Variants in KIF26B observed in about 807,000 individuals in gnomAD.
The protein encoded by KIF26B is kinesin-like protein KIF26B.
KIF26B carries 63 observed loss-of-function variants against 151.2 expected under a neutral mutation model. The ratio of observed to expected loss-of-function variants is 0.42; its 90% CI spans 0.34 to 0.51. KIF26B has a LOEUF of 0.51. Among genes scored for constraint, KIF26B ranks in the 20% least tolerant of loss-of-function variants. KIF26B has a pLI of 0.07. For missense variants in KIF26B, 2,813 were observed against 2,913.6 expected (o/e 0.97, Z 0.79); for synonymous variants, 1,357 against 1,262.1 (o/e 1.08, Z -1.59).
At chr1:245,683,602 G>A (rs1267974922) in intron 10 of KIF26B, among the ~76,000 whole-genome samples, 1 of 152,200 alleles carries the variant, frequency 6.6e-6, no homozygotes, top group Non-Finnish European at 1.5e-5. Context: ...GCTGCTTTCT[G>A]TTGTGGATAG....
intron 4 of KIF26B, among the ~76,000 whole-genome samples, chr1:245,439,901 C>G (rs1198665530): frequency 6.6e-6 from 1 of 152,172 alleles, no homozygotes; most frequent in African/African-American, 2.4e-5. Context: ...GCAAAGTGAA[C>G]ACTTCTTTCA....
intron 3 of KIF26B, among the ~76,000 whole-genome samples, chr1:245,419,089 C>G (rs974664611): frequency 1.3e-5 from 2 of 152,174 alleles, no homozygotes; most frequent in African/African-American, 2.4e-5. Context: ...CCACAGCAAA[C>G]CACCACCCCC....
intron 5 of KIF26B, among the ~76,000 whole-genome samples, chr1:245,580,427 A>C (rs559354134): frequency 6.6e-6 from 1 of 152,276 alleles, no homozygotes; most frequent in Non-Finnish European, 1.5e-5. Flanking sequence ...TTAGAAAAGT[A>C]TGGATGGAGT....
intron 2 of KIF26B, among the ~76,000 whole-genome samples, chr1:245,168,609 G>C (rs1668653728): frequency 6.6e-6 from 1 of 152,174 alleles, no homozygotes; most frequent in African/African-American, 2.4e-5. Flanking sequence ...AGTTCTTCCT[G>C]AGTAGCAGTA....
intron 3 of KIF26B, 70 bp from the exon 4 acceptor site, chr1:245,419,509 A>G (rs548433905): frequency 6.9e-7 from 1 of 1,438,956 alleles, no homozygotes; most frequent in South Asian, 1.3e-5. Context: ...CCAAATAGAG[A>G]GATGCTGTCA....
intron 4 of KIF26B, among the ~76,000 whole-genome samples, chr1:245,539,836 A>C (rs543267565): frequency 6.6e-6 from 1 of 152,198 alleles, no homozygotes; most frequent in South Asian, 2.1e-4. Context: ...TATTTTTAGT[A>C]GAGATGGGGT....
chr1:245,199,957 G>A (rs149165606), intron 2 of KIF26B, among the ~76,000 whole-genome samples: 162 of 152,288 alleles, frequency 1.1e-3, no homozygotes, highest in African/African-American at 3.8e-3. Context: ...AAACAAACCC[G>A]GCCTCTGCCC....
chr1:245,484,778 A>ATTG (rs1183459258), intron 4 of KIF26B, among the ~76,000 whole-genome samples: 35 of 148,224 alleles, frequency 2.4e-4, no homozygotes, highest in African/African-American at 8.8e-4. Context: ...TATTATTATT[A>ATTG]TTATTATTAT....
intron 2 of KIF26B, among the ~76,000 whole-genome samples, chr1:245,345,565 C>T (rs925936322): frequency 6.0e-5 from 9 of 151,154 alleles, no homozygotes; most frequent in Non-Finnish European, 7.4e-5. Context: ...GCCCACATCT[C>T]ATGTTCAGTT....
At chr1:245,509,515 G>A (rs536917858) in intron 4 of KIF26B, among the ~76,000 whole-genome samples, 5 of 152,106 alleles carry the variant, frequency 3.3e-5, no homozygotes, top group African/African-American at 7.2e-5. Context: ...ATAAATGTTG[G>A]TGTTCCCATA....
At chr1:245,681,509 G>A (rs911080011) in intron 10 of KIF26B, among the ~76,000 whole-genome samples, 14 of 152,006 alleles carry the variant, frequency 9.2e-5, no homozygotes, top group African/African-American at 7.2e-5. Flanking sequence ...GCGCCCGGCC[G>A]GTCTTTGGTA....
intron 2 of KIF26B, among the ~76,000 whole-genome samples, chr1:245,272,288 C>T (rs1400262105): frequency 6.6e-6 from 1 of 151,888 alleles, no homozygotes; most frequent in Non-Finnish European, 1.5e-5. Flanking sequence ...TTGCCAGGTA[C>T]AGTGGTGTGT....
At position 245,686,207 on chromosome 1, in the gene KIF26B, A is replaced by G. The variant is rs1463189126; in HGVS notation, c.3224A>G (p.Lys1075Arg). 1 of 1,612,648 alleles carries G rather than the reference A, an allele frequency of 6.2e-7. No homozygotes were observed. The highest frequency in any genetic ancestry group is 1.1e-5 in the South Asian group (1 of 91,072). ...CGGCTGGGCATCGCCAGCCTGTCCA[A>G]GACCTCGGAGTACAAGCCACCCAGC... ...SPRLGIASLS[K>R]TSEYKPPSSP... Residue 1075 changes from lysine to arginine, a missense_variant, in exon 12 of 15, where the codon AAG becomes AGG. Transcript: ENST00000407071. The surrounding 1 kb of genome is among the most constrained non-coding windows in gnomAD (Gnocchi z 5.6).
chr1:245,410,706 C>A (rs1003530725), intron 3 of KIF26B, among the ~76,000 whole-genome samples: 2 of 152,108 alleles, frequency 1.3e-5, no homozygotes, highest in Admixed American at 1.3e-4. Flanking sequence ...TGCCTCGGCC[C>A]CCCAAAGGCT....
intron 2 of KIF26B, among the ~76,000 whole-genome samples, chr1:245,362,224 C>T (rs573198424): frequency 3.3e-5 from 5 of 151,312 alleles, no homozygotes; most frequent in Non-Finnish European, 5.9e-5. Flanking sequence ...TAAGCATCGA[C>T]GAACAAAATC....
chr1:245,212,241 T>C (rs1669552187), intron 2 of KIF26B, among the ~76,000 whole-genome samples: 1 of 152,158 alleles, frequency 6.6e-6, no homozygotes, highest in African/African-American at 2.4e-5. Context: ...TCTTTATTGC[T>C]CATCCCCATT....
At chr1:245,689,448 AACATATTTGTGG>A (rs1265335417) in intron 12 of KIF26B, among the ~76,000 whole-genome samples, 1 of 152,176 alleles carries the variant, frequency 6.6e-6, no homozygotes, top group Non-Finnish European at 1.5e-5. Context: ...CTCCACCCCA[AACATATTTGTGG>A]ACAGTCATGT....
intron 2 of KIF26B, among the ~76,000 whole-genome samples, chr1:245,339,149 TTTGTA>T (rs1201192792): frequency 1.3e-5 from 2 of 152,086 alleles, no homozygotes; most frequent in Non-Finnish European, 2.9e-5. Context: ...GGCTAATTTT[TTTGTA>T]TTTTTAGTAG....
intron 4 of KIF26B, among the ~76,000 whole-genome samples, chr1:245,529,753 T>C (rs1462231688): frequency 2.0e-5 from 3 of 152,124 alleles, no homozygotes; most frequent in Non-Finnish European, 2.9e-5. Context: ...CCCCAGGGCA[T>C]TTGGACTGGG....
Sources: allele counts gnomAD v4.1 joint callset (sites outside exome capture counted in the v4.1 genomes callset), GRCh38; gene constraint gnomAD v4.1.1; non-coding constraint Gnocchi (gnomAD v3.1); transcripts MANE v1.5; gene names NCBI Gene and HGNC (gene_info 2026-07-23, HGNC 2026-07-21).